Variants in GSG1L observed in about 807,000 individuals in gnomAD.
GSG1L encodes the protein germ cell-specific gene 1-like protein.
Under a neutral mutation model 42.1 loss-of-function variants are expected in GSG1L, and 24 were observed. The observed-to-expected ratio is 0.57, with a 90% confidence interval of 0.41 to 0.80. GSG1L has a LOEUF of 0.80. Ranked by LOEUF, GSG1L falls within the 30% of genes least tolerant of loss-of-function variation. GSG1L has a pLI of 0.00. For synonymous variants in GSG1L, 215 were observed against 203.5 expected (o/e 1.06, Z -0.48); for missense variants, 445 against 472.2 (o/e 0.94, Z 0.53).
chr16:27,834,251 T>C (rs1012161562), intron 4 of GSG1L, among the ~76,000 whole-genome samples: 20 of 152,302 alleles, frequency 1.3e-4, no homozygotes, highest in Non-Finnish European at 2.2e-4. Flanking sequence ...CACTGACTGA[T>C]TTTTCAAATA....
At chr16:27,830,331 C>G (rs1023666319) in intron 4 of GSG1L, among the ~76,000 whole-genome samples, 1 of 152,088 alleles carries the variant, frequency 6.6e-6, no homozygotes, top group Non-Finnish European at 1.5e-5. Flanking sequence ...GCCAGCCCAC[C>G]CAGCTGGTTT....
rs865936576 is a variant in GSG1L, at chr16:27,882,452, C to G, written c.550+2034G>C. 3.4e-5 allele frequency among the ~76,000 whole-genome samples: 5 copies of G among 147,168 alleles called. No homozygotes were observed. The East Asian group carries it at 6.1e-4, about 18-fold the overall frequency. On this transcript the variant is annotated intron_variant, in intron 3 of 6. Coordinates refer to ENST00000447459, the MANE Select transcript of GSG1L (RefSeq NM_001109763.2). ...TATTGCCTATATGGTAAAATCCAGACTCTATAAAGCACTGAGACCCTCACA... is the reference window on the plus strand; with the variant it reads ...TATTGCCTATATGGTAAAATCCAGAGTCTATAAAGCACTGAGACCCTCACA...
intron 1 of GSG1L, among the ~76,000 whole-genome samples, chr16:28,004,134 G>A (rs549334934): frequency 3.3e-5 from 5 of 152,278 alleles, no homozygotes; most frequent in African/African-American, 1.2e-4. Context: ...GGTGGTGAGT[G>A]GGGGCTGAGT....
At position 27,791,226 on chromosome 16, in the gene GSG1L, C is replaced by A. The variant is rs2082747551; in HGVS notation, c.*144G>T. ...GCCATGGGACCCAGGCAGCGATGGG[C>A]AGGACAGGCCTGGCATCTCCCACGC... is the stretch of plus-strand genomic sequence containing the variant. On this transcript the variant is annotated 3_prime_UTR_variant, in exon 7 of 7. Transcript: ENST00000447459. 2.2e-6 allele frequency: 1 copy of A among 460,690 alleles called. No individual in the cohort carries two copies. The highest frequency in any genetic ancestry group is 3.7e-6 in the Non-Finnish European group (1 of 269,360). The allele number at this position is 460,690 out of a possible 1,614,324, so 28.5% of individuals were successfully genotyped here.
Position 27,884,878 on chromosome 16 carries a change from C to T in GSG1L, c.398-240G>A, listed in dbSNP as rs536501656. Among the ~76,000 whole-genome samples the T allele has an allele frequency of 6.6e-6, 1 of 152,256 alleles. No homozygotes were observed. Among genetic ancestry groups the T allele is most frequent in the Non-Finnish European group, 1.5e-5 (1 of 68,016 alleles). On this transcript the variant is annotated intron_variant, in intron 2 of 6. Transcript: ENST00000447459. This position sits in a 1 kb window ranked among gnomAD's most constrained non-coding sequence, Gnocchi z 4.4. ...CCTATTACTGGGGAAGAACTTTTAT[C>T]CTGTGGCTGGACCAAGGGCTCCCTT...
At chr16:27,798,710 G>A (rs1455570573) in intron 6 of GSG1L, among the ~76,000 whole-genome samples, 2 of 152,166 alleles carry the variant, frequency 1.3e-5, no homozygotes, top group African/African-American at 4.8e-5. Flanking sequence ...CCCACACTGA[G>A]GAATTGGGCT....
chr16:28,048,967 T>C (rs986271716), intron 1 of GSG1L, among the ~76,000 whole-genome samples: 1 of 152,010 alleles, frequency 6.6e-6, no homozygotes, highest in African/African-American at 2.4e-5. Flanking sequence ...TGGCAAGACC[T>C]GGGCTGGAGA....
chr16:28,037,801 C>T (rs2086058084), intron 1 of GSG1L, among the ~76,000 whole-genome samples: 1 of 152,212 alleles, frequency 6.6e-6, no homozygotes. Context: ...TTTGTTCCCT[C>T]TTTGGACCTG....
chr16:27,851,938 C>T (rs2083519437), intron 3 of GSG1L, among the ~76,000 whole-genome samples: 1 of 152,202 alleles, frequency 6.6e-6, no homozygotes, highest in African/African-American at 2.4e-5. Flanking sequence ...GGTCTCCAGC[C>T]TGGAGCTACC....
chr16:27,987,952 A>AAG (rs1229847162), intron 1 of GSG1L, among the ~76,000 whole-genome samples: 1 of 151,384 alleles, frequency 6.6e-6, no homozygotes, highest in Non-Finnish European at 1.5e-5. Context: ...TCTCAAAAAA[A>AAG]AAAAAAAAAA....
chr16:27,896,050 C>G (rs965499191), intron 2 of GSG1L, among the ~76,000 whole-genome samples: 1 of 152,152 alleles, frequency 6.6e-6, no homozygotes. Flanking sequence ...CCCTCCCAGA[C>G]CTACTGACTG....
intron 1 of GSG1L, among the ~76,000 whole-genome samples, chr16:28,032,294 A>G (rs434202): frequency 0.24 from 36,393 of 151,968 alleles, 4,575 homozygotes; most frequent in South Asian, 0.48. Context: ...TCTAGGATCC[A>G]AATACAAGCA....
At chr16:28,041,367 G>C (rs1879608295) in intron 1 of GSG1L, among the ~76,000 whole-genome samples, 1 of 152,074 alleles carries the variant, frequency 6.6e-6, no homozygotes, top group Non-Finnish European at 1.5e-5. Flanking sequence ...AAGGAGGATT[G>C]CTTGAGCCCA....
chr16:27,796,636 G>A (rs140081226), intron 6 of GSG1L, among the ~76,000 whole-genome samples: 34 of 152,354 alleles, frequency 2.2e-4, no homozygotes, highest in Middle Eastern at 3.4e-3. Context: ...GGACGGACCC[G>A]TATGGAGGGA....
intron 1 of GSG1L, among the ~76,000 whole-genome samples, chr16:28,045,973 G>A (rs1174775089): frequency 6.6e-6 from 1 of 152,124 alleles, no homozygotes; most frequent in Non-Finnish European, 1.5e-5. Context: ...TCCAGCCTGG[G>A]TGACAGAGCA....
At chr16:27,897,743 G>T (rs948256509) in intron 2 of GSG1L, among the ~76,000 whole-genome samples, 71 of 152,284 alleles carry the variant, frequency 4.7e-4, no homozygotes, top group African/African-American at 1.6e-3. Context: ...GTGGTGGGGT[G>T]AGCCTGGACT....
intron 3 of GSG1L, among the ~76,000 whole-genome samples, chr16:27,879,149 A>G (rs6498044): frequency 0.59 from 89,114 of 152,026 alleles, 26,524 homozygotes; most frequent in Middle Eastern, 0.67. Flanking sequence ...ACTCAGAGGG[A>G]CCTGATTCAA....
chr16:27,844,111 T>G (rs893983165), intron 4 of GSG1L, among the ~76,000 whole-genome samples: 6 of 152,144 alleles, frequency 3.9e-5, no homozygotes, highest in African/African-American at 1.4e-4. Context: ...TAGCTGTGCT[T>G]TTCCTTTCCA....
intron 5 of GSG1L, among the ~76,000 whole-genome samples, chr16:27,817,482 AC>A (rs574144160): frequency 8.4e-4 from 126 of 150,482 alleles, no homozygotes; most frequent in African/African-American, 2.9e-3. Context: ...GACTCCCCCC[AC>A]CCCCTTAATT....
Sources: gnomAD v4.1 joint callset for allele counts (sites outside exome capture counted in the v4.1 genomes callset) on GRCh38, gnomAD v4.1.1 for gene constraint, Gnocchi (gnomAD v3.1) non-coding constraint, MANE v1.5 for transcripts, NCBI Gene and HGNC (gene_info 2026-07-23, HGNC 2026-07-21) for gene names.